The following FZD4 variants were observed in gnomAD, a reference collection of about 807,000 sequenced individuals.
FZD4 encodes the protein frizzled-4.
Under a neutral mutation model 37.3 loss-of-function variants are expected in FZD4, and 16 were observed. That is an observed-to-expected ratio of 0.43 (90% confidence interval 0.29 to 0.65). FZD4 has a LOEUF of 0.65. Ranked by LOEUF, FZD4 falls within the 30% of genes least tolerant of loss-of-function variation. The pLI is 0.16. For missense variants in FZD4, 599 were observed against 674.3 expected, an observed-to-expected ratio of 0.89 and a Z score of 1.24; for synonymous variants, 246 against 254.8, an observed-to-expected ratio of 0.97 and a Z score of 0.33.
Position 86,952,429 on chromosome 11 carries a change from C to G in FZD4, c.327G>C (p.Lys109Asn), listed in dbSNP as rs1231135707. 6.2e-7 allele frequency: 1 copy of G among 1,613,934 alleles called. No homozygotes were observed. Among genetic ancestry groups the G allele is most frequent in the Admixed American group, 1.7e-5 (1 of 60,014 alleles). Reference sequence around the variant, plus strand: ...CGCATGGGCCAATGGGGATGTTGATCTTCTCTGTGCACATTGGCACATAAA... The same window carrying G: ...CGCATGGGCCAATGGGGATGTTGATGTTCTCTGTGCACATTGGCACATAAA... ...CSVYVPMCTE[K>N]INIPIGPCGG... Residue 109 changes from lysine (K) to asparagine (N), a missense_variant, in exon 2 of 2, where the codon AAG becomes AAC. Lys to Asn is a moderately conservative substitution (Grantham distance 94). Coordinates refer to ENST00000531380, the MANE Select transcript of FZD4 (RefSeq NM_012193.4).
At chr11:86,952,697 T>A in intron 1 of FZD4, 1 of 478,014 alleles carries the variant, frequency 2.1e-6, no homozygotes, top group East Asian at 3.6e-5. Context: ...TCCAGAAGAA[T>A]GTACATAAAT....
rs551452127 is a variant in FZD4, at chr11:86,947,449, G to A, written c.*3693C>T. 3.3e-5 allele frequency: 5 copies of A among 152,406 alleles called. No homozygotes were observed. Among genetic ancestry groups the A allele is most frequent in the African/African-American group, 1.2e-4 (5 of 41,576 alleles). 9.4% of individuals were successfully genotyped at this position (152,406 alleles called of 1,614,324 possible). ...CATTTAATTCAGTGACCATGAGGAT[G>A]AGGGGAGCCAGAGAGTATAGAGCTA... On this transcript the variant is annotated 3_prime_UTR_variant, in exon 2 of 2. Transcript: ENST00000531380.
chr11:86,952,052 G>C lies in FZD4; in HGVS notation c.704C>G (p.Ala235Gly). The change falls in exon 2 of 2, where the codon GCC (alanine) becomes GGC (glycine). Residue 235 changes from alanine to glycine, a missense_variant. Physicochemically the swap from Ala to Gly is moderately conservative, Grantham distance 60. Coordinates refer to ENST00000531380, the MANE Select transcript of FZD4 (RefSeq NM_012193.4). ...GATCAGGAAGGTCAGTACTGTGAAG[G>C]CAGTGGAGATGAAACACAGGCTGGC... ...VWASLCFIST[A>G]FTVLTFLIDS... 2.5e-6 allele frequency: 4 copies of C among 1,613,990 alleles called. No individual in the cohort carries two copies. The highest frequency in any genetic ancestry group is 3.4e-6 in the Non-Finnish European group (4 of 1,179,870).
Position 86,951,030 on chromosome 11 carries a change from G to T in FZD4, c.*112C>A. ...GTGGGTTGACGGGGGTCACTTAATTGTTGCTAGTTTGTTCAAACTGAGATT... is the reference window on the plus strand; with the variant it reads ...GTGGGTTGACGGGGGTCACTTAATTTTTGCTAGTTTGTTCAAACTGAGATT... On this transcript the variant is annotated 3_prime_UTR_variant, in exon 2 of 2. Transcript: ENST00000531380. 2 of 1,166,636 alleles carry T rather than the reference G, an allele frequency of 1.7e-6. No individual in the cohort carries two copies. Among genetic ancestry groups the T allele is most frequent in the Non-Finnish European group, 2.6e-6 (2 of 777,326 alleles). The allele number at this position is 1,166,636 out of a possible 1,614,324, so 72.3% of individuals were successfully genotyped here.
intron 1 of FZD4, 103 bp from the exon 2 acceptor site, chr11:86,952,573 T>G: frequency 7.6e-7 from 1 of 1,316,520 alleles, no homozygotes; most frequent in Non-Finnish European, 1.1e-6. Context: ...GCAATCTAGG[T>G]ATCTACTTTT....
At chr11:86,954,718 C>A in intron 1 of FZD4, 83 bp downstream of exon 1, 2 of 1,500,748 alleles carry the variant, frequency 1.3e-6, no homozygotes, top group South Asian at 2.6e-5. Flanking sequence ...CTAGGATGAT[C>A]AACTTGGCAT....
chr11:86,951,277 C>G lies in FZD4; in HGVS notation c.1479G>C (p.Met493Ile). ...GAAGAGTTTTGGCAGACCAAATCCA[C>G]ATGCCTGAAGTGATGCCCACCAACA... ...MSLLVGITSG[M>I]WIWSAKTLHT... Residue 493 changes from methionine (M) to isoleucine (I), a missense_variant, in exon 2 of 2, where the codon ATG becomes ATC. Transcript: ENST00000531380. 3 of 1,614,226 alleles carry G rather than the reference C, an allele frequency of 1.9e-6. No individual in the cohort carries two copies. Among genetic ancestry groups the G allele is most frequent in the Non-Finnish European group, 2.5e-6 (3 of 1,180,036 alleles).
At position 86,949,409 on chromosome 11, in the gene FZD4, AAAAAAAAAAAG is replaced by A. The variant is rs1470566678; in HGVS notation, c.*1722_*1732del. 4.0e-5 allele frequency: 6 copies of A among 151,806 alleles called. No individual in the cohort carries two copies. The highest frequency in any genetic ancestry group is 6.6e-5 in the Admixed American group (1 of 15,262). The allele number at this position is 151,806 out of a possible 1,614,324, so 9.4% of individuals were successfully genotyped here. A position where few individuals can be genotyped will look rare whatever the true frequency, so the allele number is the denominator to read the frequency against. On this transcript the variant is annotated 3_prime_UTR_variant, in exon 2 of 2. Transcript: ENST00000531380. ...TGTTTTTCCACAAAGTGTGATTGAAAAAAAAAAAAAGAAAAAAAAAAGCTTCCCTTCCTATT... is the reference window on the plus strand; with the variant it reads ...TGTTTTTCCACAAAGTGTGATTGAAAAAAAAAAAAAGCTTCCCTTCCTATT...
Position 86,955,058 on chromosome 11 carries a change from C to T in FZD4, c.28G>A (p.Val10Ile). The T allele has an allele frequency of 6.3e-7, 1 of 1,593,800 alleles. No homozygotes were observed. Among genetic ancestry groups the T allele is most frequent in the South Asian group, 1.1e-5 (1 of 88,344 alleles). MAWRGAGPS[V>I]PGAPGGVGLS... ...CCGACGCCCCCGGGCGCCCCCGGGA[C>T]GCTCGGCCCTGCGCCCCGCCAGGCC... Residue 10 changes from valine to isoleucine, a missense_variant, in exon 1 of 2, where the codon GTC (valine) becomes ATC (isoleucine). Val to Ile is a conservative substitution (Grantham distance 29). Transcript: ENST00000531380.
rs759867904 is a variant in FZD4 at position 86,951,845 on chromosome 11, A to G, written c.911T>C (p.Ile304Thr). 6.2e-7 allele frequency: 1 copy of G among 1,613,762 alleles called. No individual in the cohort carries two copies. Among genetic ancestry groups the G allele is most frequent in the South Asian group, 1.1e-5 (1 of 91,076 alleles). ...QEGLKNTGCA[I>T]IFLLMYFFGM... is the part of the protein sequence containing the mutation. ...AAAAAAGTACATCAGCAAGAAAATTATTGCACATCCTGTGTTCTTAAGTCC... is the reference window on the plus strand; with the variant it reads ...AAAAAAGTACATCAGCAAGAAAATTGTTGCACATCCTGTGTTCTTAAGTCC... Residue 304 changes from isoleucine to threonine, a missense_variant, in exon 2 of 2, where the codon ATA becomes ACA. Transcript: ENST00000531380.
Position 86,949,270 on chromosome 11 carries a change from GAAGA to G in FZD4, c.*1868_*1871del, listed in dbSNP as rs1462597119. 1 of 151,992 alleles carries G rather than the reference GAAGA, an allele frequency of 6.6e-6. No homozygotes were observed. The highest frequency in any genetic ancestry group is 2.4e-5 in the African/African-American group (1 of 41,382). 9.4% of individuals were successfully genotyped at this position (151,992 alleles called of 1,614,324 possible). A position where few individuals can be genotyped will look rare whatever the true frequency, so the allele number is the denominator to read the frequency against. ...GAACCACACAAAAACAAAAAGGAAA[GAAGA>G]AAGGGAAATGTCAAACTATGGGCAT... On this transcript the variant is annotated 3_prime_UTR_variant, in exon 2 of 2. Coordinates refer to ENST00000531380, the MANE Select transcript of FZD4 (RefSeq NM_012193.4).
Position 86,952,288 on chromosome 11 carries a change from G to C in FZD4, c.468C>G (p.His156Gln), listed in dbSNP as rs1157567477. Reference sequence around the variant, plus strand: ...CATCACCTGGCCCTTCCATGCACATGTGGTTGTGGTCGTTCTGTGGTGGGA... The same window carrying C: ...CATCACCTGGCCCTTCCATGCACATCTGGTTGTGGTCGTTCTGTGGTGGGA... ...SKFPPQNDHN[H>Q]MCMEGPGDEE... The change falls in exon 2 of 2, where the codon CAC becomes CAG. Residue 156 changes from histidine (H) to glutamine (Q), a missense_variant. By Grantham distance (24) the His-to-Gln change is conservative. This residue lies in a region of FZD4 where 357 missense variants were observed against 396.1 expected (regional missense o/e 0.90). Transcript: ENST00000531380. 6.2e-7 allele frequency: 1 copy of C among 1,614,188 alleles called. No individual in the cohort carries two copies.
At position 86,952,150 on chromosome 11, in the gene FZD4, G is replaced by A. The variant is rs772974099; in HGVS notation, c.606C>T (p.Leu202=). The A allele has an allele frequency of 1.9e-6, 3 of 1,612,590 alleles. No individual in the cohort carries two copies. Among genetic ancestry groups the A allele is most frequent in the Non-Finnish European group, 2.5e-6 (3 of 1,178,876 alleles). ...ATAAGCCAGCATCATAGCCACACTT[G>A]AGCACACAGTTCAGGCTCCTTTTCA... ...IWVKRSLNCV[L]KCGYDAGLYS... is the part of the protein sequence containing the mutation. Residue 202 remains leucine (L), a synonymous_variant, in exon 2 of 2, where the codon CTC becomes CTT. Transcript: ENST00000531380.
Position 86,952,405 on chromosome 11 carries a change from G to T in FZD4, c.351C>A (p.Cys117Ter). ...TCTTGACTGAAAGACACATGCCGCCGCATGGGCCAATGGGGATGTTGATCT... is the reference window on the plus strand; with the variant it reads ...TCTTGACTGAAAGACACATGCCGCCTCATGGGCCAATGGGGATGTTGATCT... ...TEKINIPIGP[C>*]GGMCLSVKRR... The change falls in exon 2 of 2, where the codon TGC becomes TGA. Residue 117 changes from cysteine (C) to a stop codon, truncating the protein, a stop_gained. Transcript: ENST00000531380. LOFTEE classifies it high-confidence loss of function. 6.2e-7 allele frequency: 1 copy of T among 1,614,046 alleles called. No individual in the cohort carries two copies. Among genetic ancestry groups the T allele is most frequent in the Non-Finnish European group, 8.5e-7 (1 of 1,179,946 alleles).
intron 1 of FZD4, 93 bp downstream of exon 1, chr11:86,954,708 C>T: frequency 6.7e-7 from 1 of 1,491,366 alleles, no homozygotes; most frequent in Non-Finnish European, 8.9e-7. Context: ...CTCCTTCGGG[C>T]TAGGATGATC....
chr11:86,947,011 C>T lies in FZD4; in HGVS notation c.*4131G>A, dbSNP rs1042118051. 1.3e-5 allele frequency: 2 copies of T among 152,344 alleles called. No homozygotes were observed. The highest frequency in any genetic ancestry group is 4.8e-5 in the African/African-American group (2 of 41,422). 9.4% of individuals were successfully genotyped at this position (152,344 alleles called of 1,614,324 possible). ...ATGAGGTCAGGAGTTCGAGACCAGC[C>T]TGGCCAACACAGTGAAACCCCGTCT... On this transcript the variant is annotated 3_prime_UTR_variant, in exon 2 of 2. Transcript: ENST00000531380.
In FZD4 at chr11:86,954,888, C is replaced by A. The variant is rs1445232214; in HGVS notation, c.198G>T (p.Leu66=). ...LGYNVTKMPN[L]VGHELQTDAE... is the part of the protein sequence containing the mutation. The stretch of plus-strand genomic sequence containing the variant: ...CGTCCGTCTGCAGCTCGTGCCCAAC[C>A]AGGTTGGGCATCTTGGTCACGTTGT... The change falls in exon 1 of 2, where the codon CTG becomes CTT. Residue 66 remains leucine, a synonymous_variant. Transcript: ENST00000531380. 3 of 1,613,482 alleles carry A rather than the reference C, an allele frequency of 1.9e-6. No homozygotes were observed. The highest frequency in any genetic ancestry group is 3.3e-5 in the Admixed American group (2 of 60,002).
At chr11:86,952,917 T>A (rs1047638598) in intron 1 of FZD4, 1 of 162,058 alleles carries the variant, frequency 6.2e-6, no homozygotes, top group Non-Finnish European at 1.3e-5. Flanking sequence ...AAAATGTAGA[T>A]CCTGTTAGTA....
intron 1 of FZD4, chr11:86,954,484 C>A: frequency 2.0e-6 from 2 of 985,372 alleles, no homozygotes; most frequent in African/African-American, 1.7e-5. Flanking sequence ...ACTCGCCCAC[C>A]GAGCAGTGGC....
Sources: gnomAD v4.1 joint callset for allele counts on GRCh38, gnomAD v4.1.1 for gene constraint, gnomAD v4.1.1 regional missense constraint, MANE v1.5 for transcripts, NCBI Gene and HGNC (gene_info 2026-07-23, HGNC 2026-07-21) for gene names.